POLQ: variants seen among roughly 807,000 people sequenced by gnomAD.
The protein encoded by POLQ is epididymis secretory sperm binding protein.
In POLQ, 233 loss-of-function variants were observed where a neutral mutation model predicts 259.2. That is an observed-to-expected ratio of 0.90 (90% confidence interval 0.81 to 1.00). The LOEUF (loss-of-function observed/expected upper bound fraction) is 1.00. POLQ is among the 50% of genes least tolerant of loss of function. The pLI, the probability that POLQ is intolerant of heterozygous loss-of-function variation, is 0.00. For missense variants in POLQ, 2,871 were observed against 3,051.6 expected (o/e 0.94, Z 1.39); for synonymous variants, 1,025 against 1,048.8 (o/e 0.98, Z 0.44).
In POLQ at chr3:121,488,079, A is replaced by T; in HGVS notation, c.4852T>A (p.Ser1618Thr). Residue 1618 changes from serine (S) to threonine (T), a missense_variant, in exon 16 of 30, where the codon TCA becomes ACA. Around this residue, in one of 3 missense-constraint regions of POLQ, gnomAD observed 2,080 missense variants for 2,126.0 expected, o/e 0.98. Transcript: ENST00000264233. Reference sequence around the variant, plus strand: ...TTTTGCCTGGTCCCAGTTAATTTTGATTTTTCAGCCCTTTCATCTTGATCT... The same window carrying T: ...TTTTGCCTGGTCCCAGTTAATTTTGTTTTTTCAGCCCTTTCATCTTGATCT... ...GGDQDERAEK[S>T]KLTGTRQNHS... 6.2e-7 allele frequency: 1 copy of T among 1,613,850 alleles called. No homozygotes were observed. Among genetic ancestry groups the T allele is most frequent in the Non-Finnish European group, 8.5e-7 (1 of 1,179,922 alleles).
chr3:121,451,674 C>T (rs767020102), intron 25 of POLQ, among the ~76,000 whole-genome samples: 1 of 152,170 alleles, frequency 6.6e-6, no homozygotes, highest in African/African-American at 2.4e-5. Flanking sequence ...GGTAACTGGC[C>T]GTGTGAGGTG....
At position 121,431,776 on chromosome 3, in the gene POLQ, A is replaced by C. The variant is rs974161028; in HGVS notation, c.*528T>G. 4 of 152,746 alleles carry C rather than the reference A, an allele frequency of 2.6e-5. No individual in the cohort carries two copies. Among genetic ancestry groups the C allele is most frequent in the African/African-American group, 9.6e-5 (4 of 41,468 alleles). The allele number at this position is 152,746 out of a possible 1,614,324, so 9.5% of individuals were successfully genotyped here. ...CACTCCAACCATACCAAGTCTTACTACTTTATAGAATTCATAATTTATTAG... is the reference window on the plus strand; with the variant it reads ...CACTCCAACCATACCAAGTCTTACTCCTTTATAGAATTCATAATTTATTAG... On this transcript the variant is annotated 3_prime_UTR_variant, in exon 30 of 30. Coordinates refer to ENST00000264233, the MANE Select transcript of POLQ (RefSeq NM_199420.4).
chr3:121,531,950 C>A (rs2048414469), intron 6 of POLQ, among the ~76,000 whole-genome samples: 1 of 152,150 alleles, frequency 6.6e-6, no homozygotes, highest in Non-Finnish European at 1.5e-5. Context: ...TCTAAAATGA[C>A]CCTTAGCTGT....
chr3:121,497,993 C>G (rs544454666), intron 13 of POLQ, among the ~76,000 whole-genome samples: 7 of 152,108 alleles, frequency 4.6e-5, no homozygotes, highest in East Asian at 1.9e-4. Context: ...CAGAAAGAAA[C>G]TAAAATACCA....
chr3:121,519,910 T>A lies in POLQ; in HGVS notation c.1429A>T (p.Met477Leu), dbSNP rs1314116107. Residue 477 changes from methionine to leucine, a missense_variant, in exon 9 of 30, where the codon ATG becomes TTG. By Grantham distance (15) the Met-to-Leu change is conservative (BLOSUM62 2). Coordinates refer to ENST00000264233, the MANE Select transcript of POLQ (RefSeq NM_199420.4). ...RPLDILTYKQ[M>L]VGRAGRKGVD... Reference sequence around the variant, plus strand: ...CCTTTCCTGCCAGCACGGCCAACCATCTGCTTATAAGTAAGAATATCTAGA... The same window carrying A: ...CCTTTCCTGCCAGCACGGCCAACCAACTGCTTATAAGTAAGAATATCTAGA... 3 of 1,608,972 alleles carry A rather than the reference T, an allele frequency of 1.9e-6. No individual in the cohort carries two copies. Among genetic ancestry groups the A allele is most frequent in the Admixed American group, 1.7e-5 (1 of 59,954 alleles).
intron 7 of POLQ, among the ~76,000 whole-genome samples, chr3:121,528,955 AAAT>A (rs898603371): frequency 3.3e-5 from 5 of 152,146 alleles, no homozygotes; most frequent in African/African-American, 7.2e-5. Context: ...CTGTCTCAAA[AAAT>A]AATAATAAAT....
intron 27 of POLQ, among the ~76,000 whole-genome samples, chr3:121,436,725 T>C (rs1183965949): frequency 6.6e-6 from 1 of 151,894 alleles, no homozygotes; most frequent in Non-Finnish European, 1.5e-5. Flanking sequence ...TGGTCTTTAA[T>C]ATAGAGTGTG....
intron 2 of POLQ, among the ~76,000 whole-genome samples, chr3:121,543,019 G>A (rs2048501635): frequency 6.6e-6 from 1 of 152,084 alleles, no homozygotes; most frequent in East Asian, 1.9e-4. Flanking sequence ...GCAGGAGCAG[G>A]GCAAGATCAG....
intron 26 of POLQ, among the ~76,000 whole-genome samples, chr3:121,445,782 G>T (rs2047628042): frequency 6.6e-6 from 1 of 151,498 alleles, no homozygotes; most frequent in African/African-American, 2.4e-5. Flanking sequence ...AAAATTGCTT[G>T]AACCCAGGAG....
chr3:121,472,345 A>G (rs1184722069), intron 21 of POLQ, among the ~76,000 whole-genome samples, 181 bp from the exon 22 acceptor site: 1 of 152,230 alleles, frequency 6.6e-6, no homozygotes, highest in Non-Finnish European at 1.5e-5. Flanking sequence ...CAGTTTACAA[A>G]ATGGAAATGT....
intron 7 of POLQ, among the ~76,000 whole-genome samples, chr3:121,528,662 A>G (rs2048389264): frequency 6.6e-6 from 1 of 152,082 alleles, no homozygotes. Context: ...ATTCTTAATA[A>G]AAGATTTGGG....
At chr3:121,437,970 T>C (rs1477562877) in intron 27 of POLQ, among the ~76,000 whole-genome samples, 4 of 152,174 alleles carry the variant, frequency 2.6e-5, no homozygotes, top group Non-Finnish European at 5.9e-5. Context: ...ACAGTGGCTA[T>C]TTCTGGGAAG....
intron 25 of POLQ, among the ~76,000 whole-genome samples, chr3:121,459,659 G>A (rs1312183453): frequency 1.3e-5 from 2 of 152,126 alleles, no homozygotes; most frequent in African/African-American, 2.4e-5. Context: ...GGGATTACAG[G>A]CGTGAGCCAC....
chr3:121,449,218 CTAAT>C (rs1178531053), intron 26 of POLQ, 93 bp downstream of exon 26: 19 of 661,296 alleles, frequency 2.9e-5, no homozygotes, highest in African/African-American at 3.6e-5. Context: ...AAACTTCTGA[CTAAT>C]TGATATTTCA....
At position 121,489,746 on chromosome 3, in the gene POLQ, G is replaced by A. The variant is rs201644304; in HGVS notation, c.3185C>T (p.Ala1062Val). The change falls in exon 16 of 30, where the codon GCG becomes GTG. Residue 1062 changes from alanine to valine, a missense_variant. Transcript: ENST00000264233. ...RDSSPLKDSG[A>V]CRIHLQGQTL... ...CTGTCCTTGTAAATGGATTCTACAC[G>A]CTCCAGAGTCTTTCAGGGGGCTGCT... 333 of 1,611,124 alleles carry A rather than the reference G, an allele frequency of 2.1e-4. 2 individuals carry two copies. Among genetic ancestry groups the A allele is most frequent in the South Asian group, 1.8e-3 (166 of 90,274 alleles).
At position 121,489,625 on chromosome 3, in the gene POLQ, A is replaced by G. The variant is rs369338783; in HGVS notation, c.3306T>C (p.Ser1102=). The change falls in exon 16 of 30, where the codon TCT becomes TCC. Residue 1102 remains serine, a synonymous_variant. Coordinates refer to ENST00000264233, the MANE Select transcript of POLQ (RefSeq NM_199420.4). ...RNSGPFAKNV[S]LSGKEKDNKT... is the part of the protein sequence containing the mutation. Reference sequence around the variant, plus strand: ...TATTATCTTTTTCCTTACCACTCAAAGATACATTTTTAGCAAATGGCCCTG... The same window carrying G: ...TATTATCTTTTTCCTTACCACTCAAGGATACATTTTTAGCAAATGGCCCTG... 1.2e-6 allele frequency: 2 copies of G among 1,613,860 alleles called. No homozygotes were observed. The highest frequency in any genetic ancestry group is 1.3e-5 in the African/African-American group (1 of 74,912).
chr3:121,499,711 A>G (rs1349671591), intron 12 of POLQ, among the ~76,000 whole-genome samples: 1 of 152,218 alleles, frequency 6.6e-6, no homozygotes, highest in Non-Finnish European at 1.5e-5. Flanking sequence ...CCAAAATGTC[A>G]AGATTCAACA....
intron 12 of POLQ, among the ~76,000 whole-genome samples, chr3:121,505,698 C>A (rs1331337427): frequency 6.6e-6 from 1 of 151,834 alleles, no homozygotes; most frequent in Non-Finnish European, 1.5e-5. Flanking sequence ...GAATACACTC[C>A]AAATGAAGCA....
chr3:121,531,051 G>T (rs1025509712), intron 6 of POLQ, among the ~76,000 whole-genome samples: 11 of 152,260 alleles, frequency 7.2e-5, no homozygotes, highest in Middle Eastern at 3.4e-3. Context: ...GTTGGGCATG[G>T]TGGCGCATGT....
Sources: allele counts gnomAD v4.1 joint callset (sites outside exome capture counted in the v4.1 genomes callset), GRCh38; gene constraint gnomAD v4.1.1; regional missense constraint gnomAD v4.1.1; transcripts MANE v1.5; gene names NCBI Gene and HGNC (gene_info 2026-07-23, HGNC 2026-07-21).